Variants in KRT1 observed in about 807,000 individuals in gnomAD.
KRT1 encodes keratin 1.
KRT1 carries 28 observed loss-of-function variants against 51.6 expected under a neutral mutation model. That is an observed-to-expected ratio of 0.54 (90% CI 0.40 to 0.74). The LOEUF is 0.74. KRT1 is among the 30% of genes least tolerant of loss of function. The pLI is 0.00. For missense variants in KRT1, 783 were observed against 815.5 expected, an observed-to-expected ratio of 0.96 and a Z score of 0.49; for synonymous variants, 301 against 307.7, an observed-to-expected ratio of 0.98 and a Z score of 0.23.
Position 52,677,453 on chromosome 12 carries a change from T to C in KRT1, c.991A>G (p.Ser331Gly), listed in dbSNP as rs1257356154. Reference sequence around the variant, plus strand: ...ATAGAGAGGATGACATTAGTTTCACTGATTTGAGTCTGCATCTGAGACAAC... The same window carrying C: ...ATAGAGAGGATGACATTAGTTTCACCGATTTGAGTCTGCATCTGAGACAAC... ...AELSQMQTQI[S>G]ETNVILSMDN... Residue 331 changes from serine (S) to glycine (G), a missense_variant, in exon 5 of 9, where the codon AGT (serine) becomes GGT (glycine). Physicochemically the swap from Ser to Gly is moderately conservative, Grantham distance 56. Transcript: ENST00000252244. 4 of 1,614,134 alleles carry C rather than the reference T, an allele frequency of 2.5e-6. No homozygotes were observed. Among genetic ancestry groups the C allele is most frequent in the Non-Finnish European group, 3.4e-6 (4 of 1,180,058 alleles).
chr12:52,675,679 A>G (rs777181498), intron 8 of KRT1, 31 bp downstream of exon 8: 5 of 1,614,234 alleles, frequency 3.1e-6, no homozygotes, highest in Middle Eastern at 1.6e-4. Flanking sequence ...CAAAGCCTGC[A>G]CATGCCCCTG....
Position 52,677,042 on chromosome 12 carries a change from A to C in KRT1, c.1254+17T>G, listed in dbSNP as rs755551411. On this transcript the variant is annotated intron_variant, in intron 6 of 8. Transcript: ENST00000252244. ...CCCATTCCATACAGCTGAGTGGTAG[A>C]AGGAGAAAGCACATACCTGCTTCTT... The C allele has an allele frequency of 3.7e-6, 6 of 1,611,716 alleles. No homozygotes were observed. Among genetic ancestry groups the C allele is most frequent in the Non-Finnish European group, 5.1e-6 (6 of 1,179,994 alleles).
Position 52,678,542 on chromosome 12 carries a change from T to C in KRT1, c.806A>G (p.Lys269Arg), listed in dbSNP as rs1242001110. The C allele has an allele frequency of 6.2e-7, 1 of 1,614,216 alleles. No individual in the cohort carries two copies. Among genetic ancestry groups the C allele is most frequent in the African/African-American group, 1.3e-5 (1 of 75,064 alleles). ...MQDMVEDYRN[K>R]YEDEINKRTN... The stretch of plus-strand genomic sequence containing the variant: ...GAACTGCCCAGACAGGGTCCCTTAC[T>C]TGTTCCGGTAATCCTCCACCATGTC... The change falls in exon 2 of 9, where the codon AAG becomes AGG. Residue 269 changes from lysine to arginine, a missense_variant and splice_region_variant. By Grantham distance (26) the Lys-to-Arg change is conservative. Transcript: ENST00000252244.
At chr12:52,675,668 A>G (rs1254542922) in intron 8 of KRT1, 42 bp downstream of exon 8, 3 of 1,614,204 alleles carry the variant, frequency 1.9e-6, no homozygotes, top group Non-Finnish European at 2.5e-6. Flanking sequence ...TTCCAGCCCA[A>G]CAAAGCCTGC....
chr12:52,676,793 A>G (rs772297095), intron 6 of KRT1, among the ~76,000 whole-genome samples: 27 of 151,626 alleles, frequency 1.8e-4, no homozygotes, highest in Non-Finnish European at 3.7e-4. Context: ...TCACTCCCCA[A>G]CTCTTAAGTC....
intron 1 of KRT1, 82 bp from the exon 2 acceptor site, chr12:52,678,838 A>T: frequency 1.7e-6 from 2 of 1,184,658 alleles, no homozygotes; most frequent in Non-Finnish European, 2.5e-6. Context: ...TTGGAAAAGA[A>T]CCTCAATTCC....
Position 52,677,733 on chromosome 12 carries a change from C to G in KRT1, c.880G>C (p.Ala294Pro). The change falls in exon 4 of 9, where the codon GCT (alanine) becomes CCT (proline). Residue 294 changes from alanine to proline, a missense_variant. Physicochemically the swap from Ala to Pro is conservative, Grantham distance 27. Coordinates refer to ENST00000252244, the MANE Select transcript of KRT1 (RefSeq NM_006121.4). The part of the protein sequence containing the change: ...FVTIKKDVDG[A>P]YMTKVDLQAK... ...TGAAGGTCCACCTTGGTCATATAAG[C>G]ACCATCCACATCCTAGAGGAACAAG... is the stretch of plus-strand genomic sequence containing the variant. 1 of 1,614,032 alleles carries G rather than the reference C, an allele frequency of 6.2e-7. No homozygotes were observed. Among genetic ancestry groups the G allele is most frequent in the Non-Finnish European group, 8.5e-7 (1 of 1,179,958 alleles).
rs1941486702 is a variant in KRT1, at chr12:52,675,447, A to G, written c.1681T>C (p.Ser561Pro). The part of the protein sequence containing the change: ...SYGSGGSSYG[S>P]GGGSYGSGGG... Reference sequence around the variant, plus strand: ...CCAGAGCCATAGCTGCCACCTCCGGAGCCGTAGCTGCTACCTCCGGAGCCA... The same window carrying G: ...CCAGAGCCATAGCTGCCACCTCCGGGGCCGTAGCTGCTACCTCCGGAGCCA... Residue 561 changes from serine to proline, a missense_variant, in exon 9 of 9, where the codon TCC (serine) becomes CCC (proline). Transcript: ENST00000252244. 4.3e-6 allele frequency: 2 copies of G among 468,550 alleles called. 1 individual carries two copies. The highest frequency in any genetic ancestry group is 6.1e-6 in the Non-Finnish European group (2 of 329,282). The allele number at this position is 468,550 out of a possible 1,614,324, so 29.0% of individuals were successfully genotyped here. A position where few individuals can be genotyped will look rare whatever the true frequency, so the allele number is the denominator to read the frequency against.
rs1243164385 is a variant in KRT1, at chr12:52,680,167, C to G, written c.182G>C (p.Gly61Ala). 8 of 1,610,172 alleles carry G rather than the reference C, an allele frequency of 5.0e-6. No homozygotes were observed. The highest frequency in any genetic ancestry group is 6.8e-6 in the Non-Finnish European group (8 of 1,178,014). The change falls in exon 1 of 9, where the codon GGA (glycine) becomes GCA (alanine). Residue 61 changes from glycine to alanine, a missense_variant. Physicochemically the swap from Gly to Ala is moderately conservative, Grantham distance 60. Transcript: ENST00000252244. Reference sequence around the variant, plus strand: ...GTTAACAAGACTCCGACTTCCAAATCCACCACCAGCACCAAAGCTACCACC... The same window carrying G: ...GTTAACAAGACTCCGACTTCCAAATGCACCACCAGCACCAAAGCTACCACC... ...GGGGSFGAGGGFGSRSLVNLG... is the reference protein window; with the variant it reads ...GGGGSFGAGGAFGSRSLVNLG...
chr12:52,678,157 G>T lies in KRT1; in HGVS notation c.867+6C>A, dbSNP rs565822286. On this transcript the variant is annotated splice_donor_region_variant and intron_variant, in intron 3 of 8. Transcript: ENST00000252244. ...ATGTGAGTTCCGTCCTACAGAATTT[G>T]CTTACCTTCTTGATGGTCACAAATT... 1.2e-6 allele frequency: 2 copies of T among 1,613,640 alleles called. No individual in the cohort carries two copies. Among genetic ancestry groups the T allele is most frequent in the Non-Finnish European group, 1.7e-6 (2 of 1,179,598 alleles).
At chr12:52,678,052 C>T (rs1389044863) in intron 3 of KRT1, 111 bp downstream of exon 3, 3 of 1,018,554 alleles carry the variant, frequency 2.9e-6, no homozygotes, top group Non-Finnish European at 3.1e-6. Flanking sequence ...CATATACTCC[C>T]CAGGTCTACT....
chr12:52,680,227 C>T lies in KRT1; in HGVS notation c.122G>A (p.Gly41Glu), dbSNP rs780491184. ...ACAGCTTGAAAATCTCCCACCACCT[C>T]CTCCACTGCGGCGTGTGGAGCTGCT... ...TTSSSTRRSG[G>E]GGGRFSSCGG... The change falls in exon 1 of 9, where the codon GGA (glycine) becomes GAA (glutamate). Residue 41 changes from glycine (G) to glutamate (E), a missense_variant. Coordinates refer to ENST00000252244, the MANE Select transcript of KRT1 (RefSeq NM_006121.4). The T allele has an allele frequency of 6.2e-6, 10 of 1,614,200 alleles. No individual in the cohort carries two copies. The South Asian group carries it at 1.1e-4, about 18-fold the overall frequency.
chr12:52,678,272 A>G (rs756514511), intron 2 of KRT1, 49 bp from the exon 3 acceptor site: 5 of 1,585,870 alleles, frequency 3.2e-6, no homozygotes, highest in South Asian at 1.1e-5. Flanking sequence ...GTAAGACCTG[A>G]AGTCCAGCAT....
chr12:52,675,190 T>C lies in KRT1; in HGVS notation c.*3A>G. On this transcript the variant is annotated 3_prime_UTR_variant, in exon 9 of 9. Transcript: ENST00000252244. ...TAGAGCTAATGAAACAGAGGGCATC[T>C]CTTTATCTGGTTACTCCGGAATAAG... 6.2e-7 allele frequency: 1 copy of C among 1,613,446 alleles called. No individual in the cohort carries two copies. The highest frequency in any genetic ancestry group is 1.7e-5 in the Admixed American group (1 of 60,024).
chr12:52,678,875 G>A (rs947213970), intron 1 of KRT1, 119 bp from the exon 2 acceptor site: 11 of 899,072 alleles, frequency 1.2e-5, no homozygotes, highest in Non-Finnish European at 1.9e-5. Context: ...CAGAGAAATA[G>A]GAAGAAGATG....
In KRT1 at chr12:52,675,385, T is replaced by C; in HGVS notation, c.1743A>G (p.Gly581=). The part of the protein sequence containing the change: ...GGGGHGSYGS[G]SSSGGYRGGS... ...CACCTCTGTAGCCCCCACTGCTGCT[T>C]CCGGAGCCGTAGCTGCCATGGCCGC... Residue 581 remains glycine (G), a synonymous_variant, in exon 9 of 9, where the codon GGA becomes GGG. Transcript: ENST00000252244. The C allele has an allele frequency of 1.9e-6, 3 of 1,600,968 alleles. No individual in the cohort carries two copies. Among genetic ancestry groups the C allele is most frequent in the Non-Finnish European group, 1.7e-6 (2 of 1,176,174 alleles).
rs2120995816 is a variant in KRT1 at position 52,675,109 on chromosome 12, G to A, written c.*84C>T. ...ATAGCTCTTTTCTCCGGTAAGGCTG[G>A]GACAAATCGACCTCGGTCTTGCCAA... On this transcript the variant is annotated 3_prime_UTR_variant, in exon 9 of 9. Coordinates refer to ENST00000252244, the MANE Select transcript of KRT1 (RefSeq NM_006121.4). 3.9e-6 allele frequency: 6 copies of A among 1,536,242 alleles called. No individual in the cohort carries two copies. The highest frequency in any genetic ancestry group is 3.4e-5 in the South Asian group (3 of 89,418).
intron 2 of KRT1, 51 bp downstream of exon 2, chr12:52,678,491 T>C (rs780232553): frequency 1.9e-6 from 3 of 1,560,142 alleles, no homozygotes; most frequent in Admixed American, 1.7e-5. Flanking sequence ...TATTACTTTC[T>C]GGAACTCTTT....
At chr12:52,679,637 C>A in intron 1 of KRT1, 121 bp downstream of exon 1, 1 of 915,460 alleles carries the variant, frequency 1.1e-6, no homozygotes. Flanking sequence ...GACCATTCCA[C>A]AAAACATCCT....
Sources: allele counts gnomAD v4.1 joint callset (sites outside exome capture counted in the v4.1 genomes callset), GRCh38; gene constraint gnomAD v4.1.1; transcripts MANE v1.5; gene names NCBI Gene and HGNC (gene_info 2026-07-23, HGNC 2026-07-21).